Variants in GABRR3 observed in about 807,000 individuals in gnomAD.
The protein encoded by GABRR3 is gamma-aminobutyric acid type A receptor subunit rho3.
Under a neutral mutation model 43.2 loss-of-function variants are expected in GABRR3, and 29 were observed. The ratio of observed to expected loss-of-function variants is 0.67; its 90% CI spans 0.50 to 0.92. The LOEUF is 0.92. Among genes scored for constraint, GABRR3 ranks in the 40% least tolerant of loss-of-function variants. GABRR3 has a pLI of 0.00. For synonymous variants in GABRR3, 206 were observed against 195.9 expected, an observed-to-expected ratio of 1.05 and a Z score of -0.43; for missense variants, 576 against 572.3, an observed-to-expected ratio of 1.01 and a Z score of -0.07.
chr3:98,017,629 G>C, intron 4 of GABRR3, 26 bp downstream of exon 4: 1 of 1,567,708 alleles, frequency 6.4e-7, no homozygotes, highest in Non-Finnish European at 8.7e-7. Context: ...TTCAGAAAAA[G>C]AGCAATATCC....
exon 7 of GABRR3, chr3:98,007,792 A>G: frequency 6.2e-7 from 1 of 1,613,648 alleles, no homozygotes; most frequent in Non-Finnish European, 8.5e-7. Flanking sequence ...CTAATCCACT[A>G]GATGCACTGA....
chr3:98,027,839 C>T (rs1707042020), intron 2 of GABRR3, among the ~76,000 whole-genome samples: 1 of 152,074 alleles, frequency 6.6e-6, no homozygotes, highest in Non-Finnish European at 1.5e-5. Flanking sequence ...TCAGATAAAA[C>T]ATATTGTTCC....
intron 2 of GABRR3, among the ~76,000 whole-genome samples, chr3:98,027,477 T>C (rs1268462941): frequency 2.6e-5 from 4 of 152,252 alleles, no homozygotes; most frequent in African/African-American, 9.6e-5. Flanking sequence ...ATGTCACTAA[T>C]GTGTGTGCTC....
At chr3:97,986,004 C>T (rs1219486612), downstream of GABRR3, among the ~76,000 whole-genome samples, 2 of 152,118 alleles carry the variant, frequency 1.3e-5, no homozygotes, top group Non-Finnish European at 2.9e-5. Context: ...GTAGCACAGA[C>T]TACAGGCGTG....
At chr3:98,017,328 C>T (rs533236225) in intron 4 of GABRR3, among the ~76,000 whole-genome samples, 12 of 152,272 alleles carry the variant, frequency 7.9e-5, no homozygotes, top group African/African-American at 2.2e-4. Flanking sequence ...GATTTCATAT[C>T]GCACATATAG....
chr3:97,986,825 C>A (rs141112061), exon 10 of GABRR3: 43 of 1,612,450 alleles, frequency 2.7e-5, no homozygotes, highest in Non-Finnish European at 3.1e-5. Context: ...TCTCTTTATC[C>A]GAGATGAATC....
downstream of GABRR3, among the ~76,000 whole-genome samples, chr3:97,985,646 G>A (rs115900462): frequency 4.3e-3 from 656 of 152,226 alleles, 4 homozygotes; most frequent in African/African-American, 0.015. Flanking sequence ...CCTGGCACAC[G>A]TAGGTGGTCA....
At chr3:98,011,314 C>T (rs560417759) in intron 5 of GABRR3, among the ~76,000 whole-genome samples, 16 of 152,308 alleles carry the variant, frequency 1.1e-4, no homozygotes, top group South Asian at 2.1e-4. Flanking sequence ...AATTTATTCT[C>T]TCACAGATTT....
At chr3:98,030,366 C>G (rs1448333682) in intron 2 of GABRR3, among the ~76,000 whole-genome samples, 1 of 152,008 alleles carries the variant, frequency 6.6e-6, no homozygotes, top group Non-Finnish European at 1.5e-5. Flanking sequence ...GGAGATAATT[C>G]TTGTCCTTTA....
rs1463275139 is a variant in GABRR3, at chr3:98,033,009, G to A, written c.125+1854C>T. ...CTTACTCTAAAAATGACTCTATACA[G>A]TAATTACTGTATTTTGGTCAAATGC... On this transcript the variant is annotated intron_variant, in intron 2 of 9. Coordinates refer to ENST00000621172, the Ensembl canonical transcript of GABRR3. Among the ~76,000 whole-genome samples, 3 of 152,194 alleles carry A rather than the reference G, an allele frequency of 2.0e-5. No homozygotes were observed. In the East Asian group the frequency reaches 5.8e-4, roughly 29 times the overall value.
At chr3:98,003,449 G>A (rs58953055) in intron 7 of GABRR3, among the ~76,000 whole-genome samples, 3,203 of 150,538 alleles carry the variant, frequency 0.021, 123 homozygotes, top group African/African-American at 0.075. Flanking sequence ...TGGGGGCAGG[G>A]TGGAGTAACC....
exon 10 of GABRR3, chr3:97,986,803 T>G (rs1265526389): frequency 6.8e-6 from 11 of 1,611,914 alleles, no homozygotes; most frequent in Non-Finnish European, 9.3e-6. Flanking sequence ...CATGTCCTCC[T>G]AGGGATTTTC....
At chr3:98,022,407 A>G (rs1163366549) in intron 3 of GABRR3, among the ~76,000 whole-genome samples, 1 of 152,260 alleles carries the variant, frequency 6.6e-6, no homozygotes, top group Non-Finnish European at 1.5e-5. Flanking sequence ...AGGAAGACAC[A>G]TTAAGGCAAG....
intron 3 of GABRR3, among the ~76,000 whole-genome samples, chr3:98,019,938 T>G (rs915514134): frequency 3.7e-4 from 57 of 152,228 alleles, no homozygotes; most frequent in African/African-American, 1.3e-3. Context: ...CTCACTATTA[T>G]TCCTTCATAG....
At chr3:98,028,757 A>T (rs1012655249) in intron 2 of GABRR3, among the ~76,000 whole-genome samples, 1 of 152,174 alleles carries the variant, frequency 6.6e-6, no homozygotes, top group Non-Finnish European at 1.5e-5. Context: ...ATTCATGTCT[A>T]CATGCCCCTC....
chr3:98,014,790 G>T (rs898556602), intron 4 of GABRR3, among the ~76,000 whole-genome samples: 1 of 152,140 alleles, frequency 6.6e-6, no homozygotes, highest in Admixed American at 6.6e-5. Context: ...TAGATGAAAA[G>T]ATTATTTGAT....
chr3:97,998,664 T>A (rs970387693), intron 8 of GABRR3: 7 of 152,146 alleles, frequency 4.6e-5, no homozygotes, highest in African/African-American at 1.7e-4. Context: ...GTCAGATTTC[T>A]CCCTGTATTT....
chr3:97,987,129 T>C (rs950768383), intron 9 of GABRR3, 147 bp from the exon 10 acceptor site: 5 of 609,482 alleles, frequency 8.2e-6, no homozygotes, highest in Admixed American at 6.8e-5. Flanking sequence ...TTTTTTTCTT[T>C]ATAGAAAATA....
At chr3:98,026,253 G>A (rs1007333905) in intron 2 of GABRR3, among the ~76,000 whole-genome samples, 1 of 152,210 alleles carries the variant, frequency 6.6e-6, no homozygotes, top group Non-Finnish European at 1.5e-5. Flanking sequence ...CCCATCCGGG[G>A]TTCTAGAGCC....
Sources: allele counts gnomAD v4.1 joint callset (sites outside exome capture counted in the v4.1 genomes callset), GRCh38; gene constraint gnomAD v4.1.1; transcripts MANE v1.5; gene names NCBI Gene and HGNC (gene_info 2026-07-23, HGNC 2026-07-21).